The following PLA1A variants were observed in gnomAD, a reference collection of about 807,000 sequenced individuals.
PLA1A encodes the protein phospholipase A1 member A.
PLA1A carries 47 observed loss-of-function variants against 49.4 expected under a neutral mutation model. That is an observed-to-expected ratio of 0.95 (90% CI 0.75 to 1.21). The LOEUF is 1.21. Ranked by LOEUF, PLA1A falls within the 50% of genes most tolerant of loss-of-function variation. The pLI is 0.00. For missense variants in PLA1A, 561 were observed against 563.9 expected (o/e 0.99, Z 0.05); for synonymous variants, 224 against 207.9 (o/e 1.08, Z -0.67).
In PLA1A at chr3:119,608,242, G is replaced by GAGAAAGAAAGAA. The variant is rs560277882; in HGVS notation, c.276-482_276-471dup. On this transcript the variant is annotated intron_variant, in intron 2 of 10. Coordinates refer to ENST00000273371, the MANE Select transcript of PLA1A (RefSeq NM_015900.4). ...AGAAAGAAAGAGAGAGAAAGAAAGA[G>GAGAAAGAAAGAA]AGAAAGAAAGAAAGAAAGAAAGAAA... Among the ~76,000 whole-genome samples the GAGAAAGAAAGAA allele has an allele frequency of 5.4e-4, 67 of 123,818 alleles. 3 individuals carry two copies. The highest frequency in any genetic ancestry group is 8.7e-4 in the Non-Finnish European group (52 of 59,950). The allele number at this position is 123,818 out of a possible 152,430, so 81.2% of individuals were successfully genotyped here. A position where few individuals can be genotyped will look rare whatever the true frequency, so the allele number is the denominator to read the frequency against.
Position 119,599,534 on chromosome 3 carries a change from G to A in PLA1A, c.73+1548G>A, listed in dbSNP as rs556357718. The stretch of plus-strand genomic sequence containing the variant: ...GGAGTGGGAGGACTATAGCAAATTG[G>A]CATCAAACTCTTTTTGGAAGCTCAT... On this transcript the variant is annotated intron_variant, in intron 1 of 10. Transcript: ENST00000273371. Among the ~76,000 whole-genome samples the A allele has an allele frequency of 6.6e-5, 10 of 152,280 alleles. No individual in the cohort carries two copies. In the East Asian group the frequency reaches 1.9e-3, roughly 29 times the overall value.
intron 6 of PLA1A, among the ~76,000 whole-genome samples, chr3:119,616,964 C>A (rs1489487090): frequency 6.6e-6 from 1 of 152,154 alleles, no homozygotes; most frequent in Admixed American, 6.6e-5. Flanking sequence ...GAGAGCTTGG[C>A]CATACAGAGT....
intron 5 of PLA1A, among the ~76,000 whole-genome samples, chr3:119,615,585 G>A (rs1193815976): frequency 6.6e-6 from 1 of 152,094 alleles, no homozygotes; most frequent in Non-Finnish European, 1.5e-5. Context: ...GCTGAGGCGG[G>A]TGGATCACCT....
chr3:119,625,259 T>C (rs2107800888), intron 9 of PLA1A, 27 bp downstream of exon 9: 1 of 1,421,388 alleles, frequency 7.0e-7, no homozygotes. Context: ...CCTGGTTGAC[T>C]CCTCCCCTTA....
intron 6 of PLA1A, among the ~76,000 whole-genome samples, chr3:119,616,323 C>T (rs1577147918): frequency 6.6e-6 from 1 of 152,364 alleles, no homozygotes; most frequent in East Asian, 1.9e-4. Flanking sequence ...ACTGCATCCT[C>T]TACAGAGCCT....
At chr3:119,621,086 G>A (rs2082923057) in intron 8 of PLA1A, among the ~76,000 whole-genome samples, 1 of 152,176 alleles carries the variant, frequency 6.6e-6, no homozygotes, top group African/African-American at 2.4e-5. Flanking sequence ...TGGTGGAGGT[G>A]GTGTTGCCAG....
At chr3:119,620,198 A>G (rs1387728972) in intron 8 of PLA1A, 39 of 455,878 alleles carry the variant, frequency 8.6e-5, no homozygotes, top group South Asian at 4.8e-4. Context: ...AATACATTAC[A>G]AGCTAAACCG....
chr3:119,614,205 G>A (rs573776835), intron 5 of PLA1A, among the ~76,000 whole-genome samples: 130 of 152,336 alleles, frequency 8.5e-4, no homozygotes, highest in African/African-American at 2.9e-3. Context: ...AACACATGCA[G>A]TTGTATTGTC....
chr3:119,609,101 C>G (rs539659283), intron 3 of PLA1A, among the ~76,000 whole-genome samples, 154 bp downstream of exon 3: 3 of 152,146 alleles, frequency 2.0e-5, no homozygotes, highest in African/African-American at 7.2e-5. Flanking sequence ...CCACTCACAG[C>G]ACTGACCTCG....
intron 10 of PLA1A, 35 bp from the exon 11 acceptor site, chr3:119,629,349 C>T (rs1261532825): frequency 8.0e-6 from 10 of 1,248,422 alleles, no homozygotes; most frequent in South Asian, 1.2e-5. Flanking sequence ...TGTCTCCTCA[C>T]CAGCCACTGC....
chr3:119,622,165 G>T (rs2082947590), intron 8 of PLA1A, among the ~76,000 whole-genome samples: 1 of 103,298 alleles, frequency 9.7e-6, no homozygotes, highest in African/African-American at 4.1e-5. Context: ...AGAAGAAGAA[G>T]AAGAAGAAGA....
chr3:119,601,049 G>A (rs772823027), intron 1 of PLA1A, among the ~76,000 whole-genome samples: 1 of 152,218 alleles, frequency 6.6e-6, no homozygotes, highest in African/African-American at 2.4e-5. Context: ...CCTGCTTCCC[G>A]ACACATGCAC....
chr3:119,607,426 TA>T (rs1383110604), intron 2 of PLA1A, among the ~76,000 whole-genome samples: 1 of 152,236 alleles, frequency 6.6e-6, no homozygotes, highest in Non-Finnish European at 1.5e-5. Context: ...TGTTGTAATA[TA>T]TAGTCACTGA....
In PLA1A at chr3:119,619,560, C is replaced by G; in HGVS notation, c.923-3C>G. ...TCTGCTGTCTTTGCTTCTTTATTTC[C>G]AGGACTGGTGGAACAAGGTGGTGTC... On this transcript the variant is annotated splice_region_variant and splice_polypyrimidine_tract_variant and intron_variant, in intron 7 of 10. Transcript: ENST00000273371. 6.2e-7 allele frequency: 1 copy of G among 1,610,186 alleles called. No individual in the cohort carries two copies. Among genetic ancestry groups the G allele is most frequent in the South Asian group, 1.1e-5 (1 of 91,000 alleles).
chr3:119,606,706 T>C, intron 1 of PLA1A, 68 bp from the exon 2 acceptor site: 5 of 1,319,504 alleles, frequency 3.8e-6, no homozygotes, highest in Non-Finnish European at 5.4e-6. Flanking sequence ...TCCAAGGTCA[T>C]CTTTCTTCCT....
At chr3:119,628,573 G>A in intron 9 of PLA1A, 128 bp from the exon 10 acceptor site, 1 of 718,748 alleles carries the variant, frequency 1.4e-6, no homozygotes, top group Non-Finnish European at 2.4e-6. Flanking sequence ...AAGGACTGTG[G>A]TAAGGAGCTA....
intron 2 of PLA1A, among the ~76,000 whole-genome samples, chr3:119,607,521 G>C (rs1401499182): frequency 6.6e-6 from 1 of 152,188 alleles, no homozygotes; most frequent in African/African-American, 2.4e-5. Flanking sequence ...AAAGGTTTCT[G>C]GGAGGAAAGA....
At chr3:119,615,650 A>G (rs1188670268) in intron 5 of PLA1A, among the ~76,000 whole-genome samples, 1 of 151,822 alleles carries the variant, frequency 6.6e-6, no homozygotes, top group South Asian at 2.1e-4. Flanking sequence ...TGTCTCTACT[A>G]AAAAAACACA....
intron 1 of PLA1A, chr3:119,600,540 G>T: frequency 1.6e-6 from 1 of 622,120 alleles, no homozygotes. Context: ...GTTATGGCTG[G>T]CGTCTTCTTC....
Sources: allele counts gnomAD v4.1 joint callset (sites outside exome capture counted in the v4.1 genomes callset), GRCh38; gene constraint gnomAD v4.1.1; transcripts MANE v1.5; gene names NCBI Gene and HGNC (gene_info 2026-07-23, HGNC 2026-07-21).